PALS1: variants seen among roughly 807,000 people sequenced by gnomAD.
PALS1 encodes the protein protein PALS1.
A neutral mutation model predicts 78.9 loss-of-function variants in PALS1; 31 were observed. That is an observed-to-expected ratio of 0.39 (90% CI 0.30 to 0.53). PALS1 has a LOEUF of 0.53. Ranked by LOEUF, PALS1 falls within the 20% of genes least tolerant of loss-of-function variation. The probability of loss-of-function intolerance (pLI) is 0.67; values close to 1 mark genes in which losing one functional copy is unlikely to be tolerated. For missense variants in PALS1, 704 were observed against 826.5 expected, an observed-to-expected ratio of 0.85 and a Z score of 1.82; for synonymous variants, 276 against 270.9, an observed-to-expected ratio of 1.02 and a Z score of -0.18.
At chr14:67,316,739 GAT>G in intron 9 of PALS1, 91 bp from the exon 10 acceptor site, 1 of 917,704 alleles carries the variant, frequency 1.1e-6, no homozygotes, top group Non-Finnish European at 1.6e-6. Context: ...TAAGTGAAGA[GAT>G]ATGTCTAGTG....
In PALS1 at chr14:67,302,571, G is replaced by T. The variant is rs749254713; in HGVS notation, c.963G>T (p.Leu321Phe). 1 of 1,489,366 alleles carries T rather than the reference G, an allele frequency of 6.7e-7. No individual in the cohort carries two copies. The allele number at this position is 1,489,366 out of a possible 1,614,324, so 92.3% of individuals were successfully genotyped here. The change falls in exon 7 of 15, where the codon TTG becomes TTT. Residue 321 changes from leucine (L) to phenylalanine (F), a missense_variant and splice_region_variant. By Grantham distance (22) the Leu-to-Phe change is conservative. Transcript: ENST00000261681. Reference sequence around the variant, plus strand: ...ATGTCAATGAGGTTTTTGACTTGTTGGTAAGTTGACGCAGCTAGAAGAATA... The same window carrying T: ...ATGTCAATGAGGTTTTTGACTTGTTTGTAAGTTGACGCAGCTAGAAGAATA... ...GKDVNEVFDLLSDMHGTLTFV... is the reference protein window; with the variant it reads ...GKDVNEVFDLFSDMHGTLTFV...
chr14:67,316,978 T>C (rs1317398747), intron 10 of PALS1, 75 bp downstream of exon 10: 5 of 1,174,230 alleles, frequency 4.3e-6, no homozygotes, highest in Non-Finnish European at 6.2e-6. Flanking sequence ...ATCTGCATAT[T>C]AGAACCGTGA....
At chr14:67,314,390 G>A (rs2085137661) in intron 9 of PALS1, among the ~76,000 whole-genome samples, 1 of 152,174 alleles carries the variant, frequency 6.6e-6, no homozygotes, top group Admixed American at 6.5e-5. Flanking sequence ...TAAGGTCACA[G>A]AAAGCTTCAA....
Position 67,292,659 on chromosome 14 carries a change from C to A in PALS1, c.516C>A (p.His172Gln). 1 of 1,613,768 alleles carries A rather than the reference C, an allele frequency of 6.2e-7. No homozygotes were observed. Among genetic ancestry groups the A allele is most frequent in the Non-Finnish European group, 8.5e-7 (1 of 1,179,786 alleles). Residue 172 changes from histidine to glutamine, a missense_variant, in exon 4 of 15, where the codon CAC becomes CAA. By Grantham distance (24) the His-to-Gln change is conservative. Coordinates refer to ENST00000261681, the MANE Select transcript of PALS1 (RefSeq NM_022474.4). Reference protein sequence around the residue: ...AFKIHNAITVHMNKASPPFPL... With the variant: ...AFKIHNAITVQMNKASPPFPL... Reference sequence around the variant, plus strand: ...AGATACACAATGCCATCACAGTACACATGAACAAGGCCAGTCCTCCATTTC... The same window carrying A: ...AGATACACAATGCCATCACAGTACAAATGAACAAGGCCAGTCCTCCATTTC...
intron 1 of PALS1, among the ~76,000 whole-genome samples, chr14:67,268,007 CTAT>C (rs2084355659): frequency 6.6e-6 from 1 of 152,068 alleles, no homozygotes; most frequent in African/African-American, 2.4e-5. Context: ...TGGTTTTAGA[CTAT>C]TATTAATATT....
chr14:67,264,934 A>AT (rs142160128), intron 1 of PALS1, among the ~76,000 whole-genome samples: 5 of 144,628 alleles, frequency 3.5e-5, no homozygotes, highest in African/African-American at 9.9e-5. Flanking sequence ...CAGGAATCAT[A>AT]TTTTTTTTTT....
chr14:67,313,234 G>A (rs574878748), intron 9 of PALS1, among the ~76,000 whole-genome samples: 4 of 152,270 alleles, frequency 2.6e-5, no homozygotes, highest in Non-Finnish European at 5.9e-5. Context: ...TTATTAAGGG[G>A]ACATGTTTCT....
At position 67,248,651 on chromosome 14, in the gene PALS1, G is replaced by T. The variant is rs899746432; in HGVS notation, c.-237+7118G>T. Among the ~76,000 whole-genome samples the T allele has an allele frequency of 7.9e-5, 12 of 152,212 alleles. No individual in the cohort carries two copies. In the South Asian group the frequency reaches 2.5e-3, roughly 32 times the overall value. On this transcript the variant is annotated intron_variant, in intron 1 of 14. Transcript: ENST00000261681. Reference sequence around the variant, plus strand: ...TTAAGGCAGGGGTCAACAACTTTCGGTAAGTATTTTAGCTTCGTGGGCCAT... The same window carrying T: ...TTAAGGCAGGGGTCAACAACTTTCGTTAAGTATTTTAGCTTCGTGGGCCAT...
At position 67,303,654 on chromosome 14, in the gene PALS1, T is replaced by A. The variant is rs1453853525; in HGVS notation, c.1041+55T>A. 25 of 1,231,258 alleles carry A rather than the reference T, an allele frequency of 2.0e-5. No individual in the cohort carries two copies. The African/African-American group carries it at 2.1e-4, about 10-fold the overall frequency. 76.3% of individuals were successfully genotyped at this position (1,231,258 alleles called of 1,614,324 possible). ...TGTGTTTGTGGATGCTGTTTACTTCTGTTACTGTTTACTGTTACAGAAATG... is the reference window on the plus strand; with the variant it reads ...TGTGTTTGTGGATGCTGTTTACTTCAGTTACTGTTTACTGTTACAGAAATG... On this transcript the variant is annotated intron_variant, in intron 8 of 14. Transcript: ENST00000261681.
rs151169013 is a variant in PALS1 at position 67,279,381 on chromosome 14, G to C, written c.211G>C (p.Glu71Gln). The C allele has an allele frequency of 2.9e-4, 462 of 1,613,740 alleles. No individual in the cohort carries two copies. In the African/African-American group the frequency reaches 5.6e-3, roughly 20 times the overall value. Residue 71 changes from glutamate (E) to glutamine (Q), a missense_variant, in exon 3 of 15, where the codon GAG (glutamate) becomes CAG (glutamine). Glu to Gln is a conservative substitution (Grantham distance 29). Coordinates refer to ENST00000261681, the MANE Select transcript of PALS1 (RefSeq NM_022474.4). ...ACAGGAGGACATGAGGCGTAGGAGA[G>C]AGGAAGAAGGGAAAAAGCAAGAACT... is the stretch of plus-strand genomic sequence containing the variant. ...QQQEDMRRRR[E>Q]EEGKKQELDL...
In PALS1 at chr14:67,302,130, A is replaced by G. The variant is rs2140893524; in HGVS notation, c.801+12A>G. ...GTGATATTCCGTTGGTAAGTGTCCCACATACTGTTTTTAAACAAGTGCATT... is the reference window on the plus strand; with the variant it reads ...GTGATATTCCGTTGGTAAGTGTCCCGCATACTGTTTTTAAACAAGTGCATT... On this transcript the variant is annotated intron_variant, in intron 6 of 14. Coordinates refer to ENST00000261681, the MANE Select transcript of PALS1 (RefSeq NM_022474.4). The G allele has an allele frequency of 6.3e-7, 1 of 1,584,730 alleles. No individual in the cohort carries two copies. Among genetic ancestry groups the G allele is most frequent in the African/African-American group, 1.4e-5 (1 of 73,266 alleles).
chr14:67,279,348 C>T lies in PALS1; in HGVS notation c.178C>T (p.Arg60Trp), dbSNP rs116310756. The T allele has an allele frequency of 1.8e-3, 2,941 of 1,613,214 alleles. 37 individuals carry two copies. The African/African-American group carries it at 0.031, about 17-fold the overall frequency. The change falls in exon 3 of 15, where the codon CGG (arginine) becomes TGG (tryptophan). Residue 60 changes from arginine to tryptophan, a missense_variant. Physicochemically the swap from Arg to Trp is moderately radical, Grantham distance 101. Coordinates refer to ENST00000261681, the MANE Select transcript of PALS1 (RefSeq NM_022474.4). Reference sequence around the variant, plus strand: ...TCGAAGTGCACAGTTGGAGCGTATTCGGCAACAACAGGAGGACATGAGGCG... The same window carrying T: ...TCGAAGTGCACAGTTGGAGCGTATTTGGCAACAACAGGAGGACATGAGGCG... Reference protein sequence around the residue: ...IRRSAQLERIRQQQEDMRRRR... With the variant: ...IRRSAQLERIWQQQEDMRRRR...
intron 3 of PALS1, among the ~76,000 whole-genome samples, chr14:67,289,131 T>A (rs1241774141): frequency 9.4e-6 from 1 of 106,706 alleles, no homozygotes; most frequent in Non-Finnish European, 1.7e-5. Context: ...CATAACTGGT[T>A]AATTTTTGCA....
intron 7 of PALS1, 111 bp downstream of exon 7, chr14:67,302,682 C>G (rs1595599672): frequency 1.2e-6 from 1 of 832,070 alleles, no homozygotes. Flanking sequence ...GATTTCTAGC[C>G]TGATTTTTCC....
intron 13 of PALS1, 87 bp from the exon 14 acceptor site, chr14:67,323,615 A>AATATATATATATATATATATATAT (rs150511527): frequency 4.3e-4 from 113 of 260,260 alleles, no homozygotes; most frequent in Non-Finnish European, 6.6e-4. Flanking sequence ...CCCTTAATCT[A>AATATATATATATATATATATATAT]ATATATATAT....
chr14:67,242,208 G>C (rs2083916661), intron 1 of PALS1, among the ~76,000 whole-genome samples: 1 of 152,178 alleles, frequency 6.6e-6, no homozygotes, highest in South Asian at 2.1e-4. Context: ...CTCACCTTCT[G>C]TTGATTGACA....
At chr14:67,288,283 T>C (rs563113258) in intron 3 of PALS1, among the ~76,000 whole-genome samples, 2 of 152,254 alleles carry the variant, frequency 1.3e-5, no homozygotes, top group East Asian at 3.9e-4. Context: ...GATTTTACCA[T>C]GTTGGCCAGA....
chr14:67,332,127 CA>C (rs2085459834), intron 14 of PALS1, among the ~76,000 whole-genome samples: 1 of 152,130 alleles, frequency 6.6e-6, no homozygotes, highest in African/African-American at 2.4e-5. Flanking sequence ...TCTTCATTGG[CA>C]GGGGTGATTT....
intron 4 of PALS1, 41 bp from the exon 5 acceptor site, chr14:67,301,347 TC>T: frequency 7.1e-7 from 1 of 1,415,932 alleles, no homozygotes; most frequent in Non-Finnish European, 9.9e-7. Context: ...TACTGATACT[TC>T]CTATAATCTA....
Sources: gnomAD v4.1 joint callset for allele counts (sites outside exome capture counted in the v4.1 genomes callset) on GRCh38, gnomAD v4.1.1 for gene constraint, MANE v1.5 for transcripts, NCBI Gene and HGNC (gene_info 2026-07-23, HGNC 2026-07-21) for gene names.